Variants in CNTLN observed in about 807,000 individuals in gnomAD.
CNTLN encodes the protein centlein, centrosomal protein.
CNTLN carries 212 observed loss-of-function variants against 180.0 expected under a neutral mutation model. The ratio of observed to expected loss-of-function variants is 1.18; its 90% CI spans 1.05 to 1.32. The LOEUF is 1.32. Ranked by LOEUF, CNTLN falls within the 40% of genes most tolerant of loss-of-function variation. CNTLN has a pLI of 0.00. For synonymous variants in CNTLN, 722 were observed against 563.1 expected (o/e 1.28, Z -3.99); for missense variants, 2,095 against 1,610.9 (o/e 1.30, Z -5.14).
intron 5 of CNTLN, among the ~76,000 whole-genome samples, chr9:17,265,896 A>T (rs553626426): frequency 6.6e-6 from 1 of 151,898 alleles, no homozygotes; most frequent in Non-Finnish European, 1.5e-5. Flanking sequence ...CCCCTTTATC[A>T]TTTTTTATTG....
At chr9:17,257,098 G>A (rs1261226033) in intron 5 of CNTLN, among the ~76,000 whole-genome samples, 2 of 151,828 alleles carry the variant, frequency 1.3e-5, no homozygotes, top group African/African-American at 4.8e-5. Flanking sequence ...CTAGCATTAG[G>A]TATATCTCCT....
At chr9:17,391,439 G>A (rs1230381667) in intron 14 of CNTLN, among the ~76,000 whole-genome samples, 1 of 152,136 alleles carries the variant, frequency 6.6e-6, no homozygotes, top group East Asian at 1.9e-4. Flanking sequence ...TGACAGGAAG[G>A]CAGGAGATCT....
intron 19 of CNTLN, among the ~76,000 whole-genome samples, chr9:17,459,510 C>G (rs902957355): frequency 6.6e-6 from 1 of 151,792 alleles, no homozygotes; most frequent in Non-Finnish European, 1.5e-5. Context: ...TCCTAGAAGA[C>G]CAAGTACCTT....
intron 2 of CNTLN, among the ~76,000 whole-genome samples, chr9:17,219,924 A>G (rs1216865135): frequency 6.6e-6 from 1 of 151,420 alleles, no homozygotes; most frequent in Non-Finnish European, 1.5e-5. Context: ...TTAAGGTGCT[A>G]CTCCCATTCA....
intron 14 of CNTLN, among the ~76,000 whole-genome samples, chr9:17,392,274 G>T (rs2133701532): frequency 6.6e-6 from 1 of 152,132 alleles, no homozygotes; most frequent in South Asian, 2.1e-4. Flanking sequence ...CAAAGAAAGT[G>T]TAATTACTTA....
At chr9:17,501,266 G>C (rs1474343198) in intron 25 of CNTLN, among the ~76,000 whole-genome samples, 1 of 152,224 alleles carries the variant, frequency 6.6e-6, no homozygotes, top group East Asian at 1.9e-4. Flanking sequence ...AACAGACACA[G>C]ACTCAGGCTA....
At chr9:17,494,964 C>T (rs1190059065) in intron 25 of CNTLN, 1 of 447,092 alleles carries the variant, frequency 2.2e-6, no homozygotes, top group Non-Finnish European at 4.5e-6. Context: ...TCACCAAAAC[C>T]TCCGCCTGCC....
At position 17,442,595 on chromosome 9, in the gene CNTLN, C is replaced by T. The variant is rs566812040; in HGVS notation, c.3115-14929C>T. ...TTGTATTTTTGGAGAGACAAGGTTT[C>T]GCCATGTTGACCAGGCTGGTCTCAA... On this transcript the variant is annotated intron_variant, in intron 18 of 25. Coordinates refer to ENST00000380647, the MANE Select transcript of CNTLN (RefSeq NM_017738.4). Among the ~76,000 whole-genome samples the T allele has an allele frequency of 5.9e-5, 9 of 152,172 alleles. No homozygotes were observed. The South Asian group carries it at 8.3e-4, about 14-fold the overall frequency.
intron 21 of CNTLN, 150 bp from the exon 22 acceptor site, chr9:17,465,831 G>A (rs1409750544): frequency 1.6e-6 from 1 of 606,732 alleles, no homozygotes; most frequent in Non-Finnish European, 2.7e-6. Flanking sequence ...CATAATATGA[G>A]TTCTGTAAGT....
At chr9:17,499,441 A>G (rs2754313) in intron 25 of CNTLN, among the ~76,000 whole-genome samples, 141,403 of 152,242 alleles carry the variant, frequency 0.93, 66,193 homozygotes, top group Non-Finnish European at 0.98. Context: ...ACTAAGCAGA[A>G]TTGTTTTGTG....
chr9:17,394,538 C>A lies in CNTLN; in HGVS notation c.2084C>A (p.Thr695Asn). The A allele has an allele frequency of 2.6e-6, 4 of 1,559,176 alleles. No homozygotes were observed. The highest frequency in any genetic ancestry group is 3.5e-6 in the Non-Finnish European group (4 of 1,153,592). ...EMLEQTLQKV[T>N]ELENRLKSFE... ...AGAATAAACTCTTTCCTTTAGGTCA[C>A]TGAGTTGGAAAATCGGCTGAAATCT... The change falls in exon 15 of 26, where the codon ACT (threonine) becomes AAT (asparagine). Residue 695 changes from threonine to asparagine, a missense_variant. Thr to Asn is a moderately conservative substitution (Grantham distance 65). Transcript: ENST00000380647.
chr9:17,263,664 G>T (rs1476307443), intron 5 of CNTLN, among the ~76,000 whole-genome samples: 1 of 144,820 alleles, frequency 6.9e-6, no homozygotes, highest in Non-Finnish European at 1.5e-5. Flanking sequence ...CACCAACAGT[G>T]TAAAAGTGTT....
chr9:17,509,921 C>T, the CNTLN span, among the ~76,000 whole-genome samples: 2 of 152,276 alleles, frequency 1.3e-5, no homozygotes, highest in East Asian at 3.9e-4. Context: ...TTGGCTTCCT[C>T]ATGCTTCCAA....
rs147491178 is a variant in CNTLN, at chr9:17,162,936, G to C, written c.449+19560G>C. Among the ~76,000 whole-genome samples the C allele has an allele frequency of 5.2e-3, 796 of 152,232 alleles. 5 individuals carry two copies. The highest frequency in any genetic ancestry group is 0.018 in the African/African-American group (765 of 41,544). On this transcript the variant is annotated intron_variant, in intron 2 of 25. Transcript: ENST00000380647. ...GACTTCTGGTTTTGATGAGGTATTA[G>C]TCTGTTCTCACACTGCTAATAAAGA...
chr9:17,191,771 T>C (rs930524955), intron 2 of CNTLN, among the ~76,000 whole-genome samples: 3 of 152,202 alleles, frequency 2.0e-5, no homozygotes, highest in Non-Finnish European at 4.4e-5. Flanking sequence ...TATTGAAATA[T>C]GATATTTAAT....
chr9:17,457,173 T>A (rs1227766806), intron 18 of CNTLN, among the ~76,000 whole-genome samples: 1 of 152,132 alleles, frequency 6.6e-6, no homozygotes, highest in East Asian at 1.9e-4. Context: ...CAGCTTGGCT[T>A]TTCCCAGTTA....
chr9:17,448,242 C>G (rs1433772624), intron 18 of CNTLN: 1 of 163,044 alleles, frequency 6.1e-6, no homozygotes, highest in Middle Eastern at 2.8e-3. Context: ...TCAAAAAATT[C>G]ACTTGTCTAA....
chr9:17,321,740 C>T (rs1036290996), intron 8 of CNTLN, among the ~76,000 whole-genome samples: 2 of 152,100 alleles, frequency 1.3e-5, no homozygotes, highest in African/African-American at 4.8e-5. Context: ...ATGCTGGTAA[C>T]TTTTGTCATA....
intron 5 of CNTLN, among the ~76,000 whole-genome samples, chr9:17,246,795 C>T (rs530652934): frequency 1.9e-4 from 29 of 152,272 alleles, no homozygotes; most frequent in African/African-American, 5.8e-4. Flanking sequence ...TTTCTTCAAG[C>T]CGAGAAGTCT....
Sources: gnomAD v4.1 joint callset for allele counts (sites outside exome capture counted in the v4.1 genomes callset) on GRCh38, gnomAD v4.1.1 for gene constraint, MANE v1.5 for transcripts, NCBI Gene and HGNC (gene_info 2026-07-23, HGNC 2026-07-21) for gene names.